The following PLEKHA5 variants were observed in gnomAD, a reference collection of about 807,000 sequenced individuals.
PLEKHA5 encodes the protein pleckstrin homology domain-containing family A member 5.
In PLEKHA5, 55 loss-of-function variants were observed where a neutral mutation model predicts 181.9. That is an observed-to-expected ratio of 0.30 (90% CI 0.24 to 0.38). PLEKHA5 has a LOEUF of 0.38. Among genes scored for constraint, PLEKHA5 ranks in the 10% least tolerant of loss-of-function variants. The probability of loss-of-function intolerance (pLI) is 1.00; values close to 1 mark genes in which losing one functional copy is unlikely to be tolerated. For missense variants in PLEKHA5, 1,432 were observed against 1,549.5 expected (o/e 0.92, Z 1.27); for synonymous variants, 535 against 529.4 (o/e 1.01, Z -0.15).
chr12:19,336,655 T>G, intron 21 of PLEKHA5, 39 bp downstream of exon 21: 1 of 1,124,840 alleles, frequency 8.9e-7, no homozygotes. Flanking sequence ...TTTTAACTGT[T>G]TTTACTGGTA....
At chr12:19,131,130 G>C (rs759018152) in intron 2 of PLEKHA5, among the ~76,000 whole-genome samples, 30 of 152,210 alleles carry the variant, frequency 2.0e-4, no homozygotes, top group Admixed American at 3.3e-4. Context: ...CCTGCCTCTA[G>C]TCCTGGTGAT....
chr12:19,183,645 A>T (rs1462363424), intron 3 of PLEKHA5, among the ~76,000 whole-genome samples: 1 of 152,190 alleles, frequency 6.6e-6, no homozygotes, highest in Non-Finnish European at 1.5e-5. Context: ...CCAAAAGGCC[A>T]TCTCTTGGTG....
At position 19,334,852 on chromosome 12, in the gene PLEKHA5, ATATATATATATATATATC is replaced by A. The variant is rs199931210; in HGVS notation, c.2449-1661_2449-1644del. On this transcript the variant is annotated intron_variant, in intron 20 of 31. Coordinates refer to ENST00000429027, the MANE Select transcript of PLEKHA5 (RefSeq NM_001256470.2). ...AAAATATATATATATATATATATAT[ATATATATATATATATATC>A]TCTGTATACGCACACACACACAAAA... Among the ~76,000 whole-genome samples, 495 of 74,646 alleles carry A rather than the reference ATATATATATATATATATC, an allele frequency of 6.6e-3. 52 individuals carry two copies. The highest frequency in any genetic ancestry group is 0.016 in the African/African-American group (456 of 27,802). 49.0% of individuals were successfully genotyped at this position (74,646 alleles called of 152,430 possible). A position where few individuals can be genotyped will look rare whatever the true frequency, so the allele number is the denominator to read the frequency against.
At chr12:19,298,621 A>C (rs1233441371) in intron 15 of PLEKHA5, among the ~76,000 whole-genome samples, 1 of 151,726 alleles carries the variant, frequency 6.6e-6, no homozygotes, top group Non-Finnish European at 1.5e-5. Context: ...CACCCGCCTC[A>C]GCCTCCCAAA....
At chr12:19,242,432 G>A (rs998092817) in intron 3 of PLEKHA5, among the ~76,000 whole-genome samples, 1 of 151,936 alleles carries the variant, frequency 6.6e-6, no homozygotes, top group South Asian at 2.1e-4. Flanking sequence ...GTAGAGACAC[G>A]GTTTCACCAT....
At chr12:19,325,239 A>G (rs1453611735) in intron 20 of PLEKHA5, among the ~76,000 whole-genome samples, 2 of 152,116 alleles carry the variant, frequency 1.3e-5, no homozygotes, top group Non-Finnish European at 2.9e-5. Flanking sequence ...AAGAAACAAA[A>G]AAGTAGCTGG....
intron 3 of PLEKHA5, among the ~76,000 whole-genome samples, chr12:19,170,878 G>T (rs947963867): frequency 4.6e-5 from 7 of 152,210 alleles, no homozygotes; most frequent in Non-Finnish European, 1.0e-4. Flanking sequence ...GGATGACTGT[G>T]CCACAGACCC....
intron 21 of PLEKHA5, among the ~76,000 whole-genome samples, chr12:19,336,824 A>G (rs897577311): frequency 6.6e-6 from 1 of 152,110 alleles, no homozygotes; most frequent in Non-Finnish European, 1.5e-5. Flanking sequence ...TCTGTTGGGC[A>G]CATGGTGAGC....
chr12:19,259,530 C>A (rs1339063188), intron 6 of PLEKHA5, among the ~76,000 whole-genome samples: 1 of 152,062 alleles, frequency 6.6e-6, no homozygotes, highest in Non-Finnish European at 1.5e-5. Context: ...GTGGGTGGAT[C>A]ACCTTAGGAC....
intron 3 of PLEKHA5, among the ~76,000 whole-genome samples, chr12:19,235,361 C>T (rs2061256903): frequency 2.0e-5 from 3 of 152,186 alleles, no homozygotes; most frequent in Non-Finnish European, 4.4e-5. Context: ...AGCATTCTAA[C>T]AAGGTATGTA....
intron 3 of PLEKHA5, among the ~76,000 whole-genome samples, chr12:19,181,633 G>A (rs1387655062): frequency 6.6e-6 from 1 of 152,044 alleles, no homozygotes; most frequent in African/African-American, 2.4e-5. Flanking sequence ...AAAATTAGCC[G>A]GGTGTGGTTG....
At chr12:19,324,593 T>C (rs2091671976) in intron 20 of PLEKHA5, among the ~76,000 whole-genome samples, 1 of 152,174 alleles carries the variant, frequency 6.6e-6, no homozygotes, top group African/African-American at 2.4e-5. Context: ...AAAGAAAATA[T>C]AAGCACCTGA....
intron 3 of PLEKHA5, among the ~76,000 whole-genome samples, chr12:19,179,627 T>G (rs2048092601): frequency 6.6e-6 from 1 of 152,150 alleles, no homozygotes; most frequent in Non-Finnish European, 1.5e-5. Flanking sequence ...ACCGTTGGAC[T>G]CCAGCCTGGG....
intron 25 of PLEKHA5, among the ~76,000 whole-genome samples, chr12:19,352,706 G>A (rs139988867): frequency 2.0e-5 from 3 of 147,900 alleles, no homozygotes; most frequent in African/African-American, 7.5e-5. Flanking sequence ...ATGAGCCACA[G>A]CACCTGGCCA....
At chr12:19,305,340 A>T (rs2082919755) in intron 15 of PLEKHA5, among the ~76,000 whole-genome samples, 1 of 152,168 alleles carries the variant, frequency 6.6e-6, no homozygotes, top group East Asian at 1.9e-4. Flanking sequence ...AGGAGGGCAG[A>T]TCACAAGGTC....
intron 27 of PLEKHA5, among the ~76,000 whole-genome samples, chr12:19,358,933 T>A: frequency 6.6e-6 from 1 of 152,196 alleles, no homozygotes; most frequent in East Asian, 1.9e-4. Context: ...ATTTTGTTTC[T>A]TTTTGTTTTT....
chr12:19,182,305 T>C (rs1400859895), intron 3 of PLEKHA5, among the ~76,000 whole-genome samples: 2 of 152,230 alleles, frequency 1.3e-5, no homozygotes, highest in Non-Finnish European at 2.9e-5. Context: ...TCTTTTATTA[T>C]TGCCAGTGAG....
At chr12:19,193,999 C>T (rs1199727982) in intron 3 of PLEKHA5, among the ~76,000 whole-genome samples, 5 of 152,102 alleles carry the variant, frequency 3.3e-5, no homozygotes, top group Admixed American at 2.0e-4. Flanking sequence ...ACTACAGCAC[C>T]AAGCCATGAG....
intron 11 of PLEKHA5, 128 bp downstream of exon 11, chr12:19,275,111 G>A (rs561510973): frequency 1.3e-5 from 8 of 631,444 alleles, no homozygotes; most frequent in South Asian, 2.0e-5. Context: ...TCATTACTAC[G>A]TCTTTTGTTT....
Sources: gnomAD v4.1 joint callset for allele counts (sites outside exome capture counted in the v4.1 genomes callset) on GRCh38, gnomAD v4.1.1 for gene constraint, MANE v1.5 for transcripts, NCBI Gene and HGNC (gene_info 2026-07-23, HGNC 2026-07-21) for gene names.